The following PARD3B variants were observed in gnomAD, a reference collection of about 807,000 sequenced individuals.
PARD3B encodes the protein partitioning defective 3 homolog B.
Under a neutral mutation model 130.2 loss-of-function variants are expected in PARD3B, and 103 were observed. That is an observed-to-expected ratio of 0.79 (90% CI 0.67 to 0.93). The LOEUF (loss-of-function observed/expected upper bound fraction) is 0.93. Among genes scored for constraint, PARD3B ranks in the 40% least tolerant of loss-of-function variants. The pLI, the probability that PARD3B is intolerant of heterozygous loss-of-function variation, is 0.00. For missense variants in PARD3B, 1,609 were observed against 1,499.2 expected, an observed-to-expected ratio of 1.07 and a Z score of -1.21; for synonymous variants, 583 against 553.2, an observed-to-expected ratio of 1.05 and a Z score of -0.76.
chr2:204,909,141 A>G (rs956493983), intron 2 of PARD3B, among the ~76,000 whole-genome samples: 1 of 152,198 alleles, frequency 6.6e-6, no homozygotes, highest in Admixed American at 6.5e-5. Context: ...TCAACCTTAA[A>G]AAAATAAGGC....
intron 1 of PARD3B, among the ~76,000 whole-genome samples, chr2:204,566,906 T>G (rs1202143527): frequency 6.1e-5 from 9 of 147,480 alleles, no homozygotes; most frequent in African/African-American, 2.0e-4. Context: ...TGAGACGGAG[T>G]CTCGCTCTGT....
chr2:205,327,308 T>C (rs559960827), intron 18 of PARD3B, among the ~76,000 whole-genome samples: 1 of 152,348 alleles, frequency 6.6e-6, no homozygotes, highest in South Asian at 2.1e-4. Flanking sequence ...TTTTTATCGC[T>C]AACGGGGACA....
intron 2 of PARD3B, among the ~76,000 whole-genome samples, chr2:204,870,991 G>A (rs779318571): frequency 1.3e-5 from 2 of 151,908 alleles, no homozygotes; most frequent in African/African-American, 2.4e-5. Context: ...TTTTAATTTT[G>A]TATCATCAAA....
chr2:205,520,289 G>A (rs745730895), intron 21 of PARD3B, among the ~76,000 whole-genome samples: 2 of 152,204 alleles, frequency 1.3e-5, no homozygotes, highest in African/African-American at 2.4e-5. Flanking sequence ...ATAAGTAGTG[G>A]TGGATATGTG....
chr2:204,777,118 G>T (rs747570844), intron 2 of PARD3B, among the ~76,000 whole-genome samples: 1 of 152,172 alleles, frequency 6.6e-6, no homozygotes, highest in Non-Finnish European at 1.5e-5. Context: ...TGAAGTCTAA[G>T]AATTAAAGTC....
intron 1 of PARD3B, among the ~76,000 whole-genome samples, chr2:204,676,032 G>A (rs548565342): frequency 3.3e-5 from 5 of 151,494 alleles, no homozygotes; most frequent in South Asian, 4.2e-4. Context: ...GCCTATTCTC[G>A]GTGGTCTCTG....
chr2:205,607,596 G>A (rs2055047915), intron 22 of PARD3B, among the ~76,000 whole-genome samples: 1 of 152,188 alleles, frequency 6.6e-6, no homozygotes, highest in African/African-American at 2.4e-5. Context: ...ATTTAGGATG[G>A]AAACTAACTT....
intron 18 of PARD3B, among the ~76,000 whole-genome samples, chr2:205,332,298 C>T (rs374750603): frequency 5.9e-5 from 9 of 152,126 alleles, no homozygotes; most frequent in East Asian, 3.9e-4. Context: ...AATCCATACT[C>T]GTAAACTGTA....
rs148832859 is a variant in PARD3B, at chr2:205,288,823, A to G, written c.2186-11707A>G. ...AGGATATGACCCACATCATGCATAAAGTCTTACTCAGTGACTTAAAGTCAC... is the reference window on the plus strand; with the variant it reads ...AGGATATGACCCACATCATGCATAAGGTCTTACTCAGTGACTTAAAGTCAC... On this transcript the variant is annotated intron_variant, in intron 16 of 22. Transcript: ENST00000406610. The surrounding 1 kb of genome is among the most constrained non-coding windows in gnomAD (Gnocchi z 4.0). Among the ~76,000 whole-genome samples, 1,325 of 152,280 alleles carry G rather than the reference A, an allele frequency of 8.7e-3. 9 individuals carry two copies. The highest frequency in any genetic ancestry group is 0.047 in the East Asian group (242 of 5,176).
intron 22 of PARD3B, among the ~76,000 whole-genome samples, chr2:205,612,244 C>T (rs1338673270): frequency 1.3e-5 from 2 of 152,092 alleles, no homozygotes; most frequent in Non-Finnish European, 2.9e-5. Flanking sequence ...CCTCTGCCTA[C>T]CAGGTTCAAG....
intron 16 of PARD3B, among the ~76,000 whole-genome samples, chr2:205,279,372 C>T (rs1332402171): frequency 2.0e-5 from 3 of 152,208 alleles, no homozygotes; most frequent in Non-Finnish European, 2.9e-5. Flanking sequence ...CTGAGGCTAA[C>T]TAACGCCATT....
At chr2:205,390,300 GAAA>G (rs1188607669) in intron 18 of PARD3B, among the ~76,000 whole-genome samples, 1 of 140,278 alleles carries the variant, frequency 7.1e-6, no homozygotes, top group Admixed American at 7.1e-5. Flanking sequence ...AGAAGAATAT[GAAA>G]AAAAAAAAAG....
At chr2:205,468,740 T>A in intron 20 of PARD3B, among the ~76,000 whole-genome samples, 1 of 152,156 alleles carries the variant, frequency 6.6e-6, no homozygotes, top group East Asian at 1.9e-4. Context: ...TCCTCAAACT[T>A]TTATTTGATC....
At chr2:204,717,430 T>C (rs963098753) in intron 2 of PARD3B, among the ~76,000 whole-genome samples, 10 of 152,210 alleles carry the variant, frequency 6.6e-5, no homozygotes, top group Admixed American at 3.3e-4. Context: ...TTCCCACCTT[T>C]TTAAAACTCT....
intron 3 of PARD3B, among the ~76,000 whole-genome samples, chr2:205,019,017 G>T (rs767113901): frequency 6.6e-5 from 10 of 151,992 alleles, no homozygotes; most frequent in Non-Finnish European, 1.0e-4. Flanking sequence ...CCTACTTAAG[G>T]TATACAATTA....
At chr2:204,565,429 C>G (rs2031615318) in intron 1 of PARD3B, among the ~76,000 whole-genome samples, 1 of 152,106 alleles carries the variant, frequency 6.6e-6, no homozygotes, top group Non-Finnish European at 1.5e-5. Context: ...ATCTTGTATT[C>G]CTGTGTGATT....
At chr2:204,771,022 T>C (rs1159315037) in intron 2 of PARD3B, among the ~76,000 whole-genome samples, 1 of 152,060 alleles carries the variant, frequency 6.6e-6, no homozygotes, top group African/African-American at 2.4e-5. Context: ...ATTAGGCTTA[T>C]TGTTTAGCAA....
At chr2:205,408,090 A>G (rs942046964) in intron 19 of PARD3B, among the ~76,000 whole-genome samples, 8 of 152,182 alleles carry the variant, frequency 5.3e-5, no homozygotes, top group African/African-American at 1.7e-4. Flanking sequence ...GATTTAGGAA[A>G]GTTAATCGGT....
chr2:205,575,989 A>G lies in PARD3B; in HGVS notation c.3260+22586A>G, dbSNP rs2053744273. On this transcript the variant is annotated intron_variant, in intron 22 of 22. Transcript: ENST00000406610. The surrounding 1 kb of genome is among the most constrained non-coding windows in gnomAD (Gnocchi z 4.6). ...TGGCTGTACCATTTTGAATTCCCACAAGCAATGAGTGAGAGTTCCTGTTGC... is the reference window on the plus strand; with the variant it reads ...TGGCTGTACCATTTTGAATTCCCACGAGCAATGAGTGAGAGTTCCTGTTGC... Among the ~76,000 whole-genome samples, 1 of 152,174 alleles carries G rather than the reference A, an allele frequency of 6.6e-6. No homozygotes were observed. Among genetic ancestry groups the G allele is most frequent in the Non-Finnish European group, 1.5e-5 (1 of 68,020 alleles).
Sources: allele counts gnomAD v4.1 joint callset (sites outside exome capture counted in the v4.1 genomes callset), GRCh38; gene constraint gnomAD v4.1.1; non-coding constraint Gnocchi (gnomAD v3.1); transcripts MANE v1.5; gene names NCBI Gene and HGNC (gene_info 2026-07-23, HGNC 2026-07-21).